The following GIGYF2 variants were observed in gnomAD, a reference collection of about 807,000 sequenced individuals.
The protein encoded by GIGYF2 is GRB10 interacting GYF protein 2.
In GIGYF2, 25 loss-of-function variants were observed where a neutral mutation model predicts 208.1. That is an observed-to-expected ratio of 0.12 (90% CI 0.09 to 0.17). The LOEUF (loss-of-function observed/expected upper bound fraction) is 0.17. GIGYF2 is among the 10% of genes least tolerant of loss of function. The pLI is 1.00. For missense variants in GIGYF2, 1,302 were observed against 1,579.4 expected, an observed-to-expected ratio of 0.82 and a Z score of 2.98; for synonymous variants, 534 against 543.8, an observed-to-expected ratio of 0.98 and a Z score of 0.25.
At chr2:232,816,356 TC>T (rs774670067) in intron 19 of GIGYF2, among the ~76,000 whole-genome samples, 4 of 152,212 alleles carry the variant, frequency 2.6e-5, no homozygotes, top group Non-Finnish European at 5.9e-5. Flanking sequence ...TCCCCTGAGG[TC>T]GTGACAGTCT....
At chr2:232,836,868 A>G (rs1701654742) in intron 22 of GIGYF2, among the ~76,000 whole-genome samples, 1 of 152,182 alleles carries the variant, frequency 6.6e-6, no homozygotes, top group South Asian at 2.1e-4. Context: ...AAATAAAGTC[A>G]GTTCCTTTGG....
intron 6 of GIGYF2, among the ~76,000 whole-genome samples, chr2:232,758,051 C>T (rs1185737149): frequency 6.6e-6 from 1 of 152,172 alleles, no homozygotes; most frequent in African/African-American, 2.4e-5. Flanking sequence ...GTACTTTTAA[C>T]ATTATCTCAA....
chr2:232,854,505 T>C (rs1690477903), intron 28 of GIGYF2, among the ~76,000 whole-genome samples: 2 of 151,958 alleles, frequency 1.3e-5, no homozygotes, highest in East Asian at 1.9e-4. Flanking sequence ...AAAATACATA[T>C]ATATGTATAT....
chr2:232,731,231 C>G (rs1013600112), intron 2 of GIGYF2: 2 of 152,152 alleles, frequency 1.3e-5, no homozygotes, highest in African/African-American at 4.8e-5. Context: ...CTTCCAGAAC[C>G]TATGTGAGCA....
intron 9 of GIGYF2, among the ~76,000 whole-genome samples, chr2:232,789,927 G>A (rs984829714): frequency 3.3e-5 from 5 of 151,954 alleles, no homozygotes; most frequent in African/African-American, 1.2e-4. Flanking sequence ...ATGTCCGTAG[G>A]GGTATTATAT....
chr2:232,828,980 G>A (rs1701336402), intron 21 of GIGYF2, among the ~76,000 whole-genome samples: 1 of 152,022 alleles, frequency 6.6e-6, no homozygotes, highest in Admixed American at 6.6e-5. Context: ...AGGTCAGGGT[G>A]GTTGGTAACA....
intron 20 of GIGYF2, 25 bp from the exon 21 acceptor site, chr2:232,819,802 C>T (rs752515958): frequency 2.9e-6 from 1 of 340,376 alleles, no homozygotes; most frequent in Non-Finnish European, 5.8e-6. Context: ...TCCCCCACCC[C>T]CCACCCTCCA....
chr2:232,823,545 G>A (rs1401224445), intron 21 of GIGYF2, among the ~76,000 whole-genome samples: 1 of 151,728 alleles, frequency 6.6e-6, no homozygotes, highest in Non-Finnish European at 1.5e-5. Flanking sequence ...TAGAGATATG[G>A]GGTCTTGCTG....
Position 232,836,263 on chromosome 2 carries a change from CATATATATATATATATATATATATATAT to C in GIGYF2, c.2766+3210_2766+3237del, listed in dbSNP as rs1156576756. On this transcript the variant is annotated intron_variant, in intron 22 of 28. Coordinates refer to ENST00000373563, the MANE Select transcript of GIGYF2 (RefSeq NM_001103146.3). ...GCAACATGGTGAAACCCCATCTCTA[CATATATATATATATATATATATATATAT>C]ATATATATATATATATATATATATA... Among the ~76,000 whole-genome samples the C allele has an allele frequency of 2.3e-4, 9 of 38,626 alleles. 1 individual carries two copies. In the South Asian group the frequency reaches 4.6e-3, roughly 20 times the overall value. The allele number at this position is 38,626 out of a possible 152,430, so 25.3% of individuals were successfully genotyped here. A position where few individuals can be genotyped will look rare whatever the true frequency, so the allele number is the denominator to read the frequency against.
At chr2:232,773,809 G>A (rs749823671) in intron 8 of GIGYF2, among the ~76,000 whole-genome samples, 2 of 150,982 alleles carry the variant, frequency 1.3e-5, no homozygotes, top group Non-Finnish European at 2.9e-5. Flanking sequence ...TATTAAAAAC[G>A]TGTCTGGCTC....
In GIGYF2 at chr2:232,817,029, A is replaced by G; in HGVS notation, c.2367A>G (p.Lys789=). 1 of 1,610,200 alleles carries G rather than the reference A, an allele frequency of 6.2e-7. No individual in the cohort carries two copies. Among genetic ancestry groups the G allele is most frequent in the Admixed American group, 1.7e-5 (1 of 60,014 alleles). ...AGGAAGAAGAACTTGCCCGAAGGAA[A>G]CAGGTATGTATCTGGGAACTCTGAC... ...RREEEELARR[K]QEEALRRQRE... Residue 789 remains lysine, a synonymous_variant, in exon 20 of 29, where the codon AAA becomes AAG. Coordinates refer to ENST00000373563, the MANE Select transcript of GIGYF2 (RefSeq NM_001103146.3).
chr2:232,708,409 A>G (rs1559373181), intron 2 of GIGYF2, among the ~76,000 whole-genome samples: 1 of 152,180 alleles, frequency 6.6e-6, no homozygotes. Context: ...AGAAAGGGAA[A>G]GAAAAGTGAC....
chr2:232,806,620 T>C lies in GIGYF2; in HGVS notation c.1769T>C (p.Val590Ala). 6.2e-7 allele frequency: 1 copy of C among 1,613,128 alleles called. No individual in the cohort carries two copies. The highest frequency in any genetic ancestry group is 8.5e-7 in the Non-Finnish European group (1 of 1,179,246). ...GATATCATGAAAATGTGGGGAAGGGTTCCCTTTTCTCCAGGTCCAGCTCCC... is the reference window on the plus strand; with the variant it reads ...GATATCATGAAAATGTGGGGAAGGGCTCCCTTTTCTCCAGGTCCAGCTCCC... ...LGDIMKMWGR[V>A]PFSPGPAPPP... is the part of the protein sequence containing the mutation. Residue 590 changes from valine to alanine, a missense_variant, in exon 15 of 29, where the codon GTT (valine) becomes GCT (alanine). Physicochemically the swap from Val to Ala is moderately conservative, Grantham distance 64. Around this residue, in one of 8 missense-constraint regions of GIGYF2, gnomAD observed 69 missense variants for 132.8 expected, o/e 0.52. Transcript: ENST00000373563. This position sits in a 1 kb window ranked among gnomAD's most constrained non-coding sequence, Gnocchi z 4.0.
intron 26 of GIGYF2, 110 bp from the exon 27 acceptor site, chr2:232,847,238 C>A: frequency 9.5e-7 from 1 of 1,050,956 alleles, no homozygotes; most frequent in Non-Finnish European, 1.5e-6. Flanking sequence ...AAGTGTCTGT[C>A]ATTAATGTTT....
intron 8 of GIGYF2, among the ~76,000 whole-genome samples, chr2:232,773,694 G>A (rs1288294582): frequency 6.6e-6 from 1 of 151,888 alleles, no homozygotes; most frequent in African/African-American, 2.4e-5. Flanking sequence ...TATATATATT[G>A]TTTAGCATGT....
Position 232,791,362 on chromosome 2 carries a change from C to G in GIGYF2, c.1198C>G (p.Pro400Ala), listed in dbSNP as rs1340221467. 2.5e-6 allele frequency: 4 copies of G among 1,613,994 alleles called. No individual in the cohort carries two copies. In the South Asian group the frequency reaches 3.3e-5, roughly 13 times the overall value. Reference sequence around the variant, plus strand: ...ATCACAGTTTGAGAGGAAAGATGAACCAAAAACTGAGCAAACGGAAAAAGC... The same window carrying G: ...ATCACAGTTTGAGAGGAAAGATGAAGCAAAAACTGAGCAAACGGAAAAAGC... ...EASQFERKDE[P>A]KTEQTEKAEE... Residue 400 changes from proline (P) to alanine (A), a missense_variant, in exon 12 of 29, where the codon CCA (proline) becomes GCA (alanine). By Grantham distance (27) the Pro-to-Ala change is conservative. Transcript: ENST00000373563.
At chr2:232,771,375 T>G (rs769285344) in intron 8 of GIGYF2, 1 of 1,585,564 alleles carries the variant, frequency 6.3e-7, no homozygotes, top group South Asian at 1.1e-5. Flanking sequence ...CAGGCTGTAT[T>G]TCTCTAAAAT....
rs1168895516 is a variant in GIGYF2, at chr2:232,833,060, G to A, written c.2733G>A (p.Gln911=). ...AAGAGGCTCTCCGGAGGTTGCAGCA[G>A]CAGCAGCAGCAACAACAGCTGGCGC... is the stretch of plus-strand genomic sequence containing the variant. ...QQQEALRRLQ[Q]QQQQQQLAQM... is the part of the protein sequence containing the mutation. The change falls in exon 22 of 29, where the codon CAG becomes CAA. Residue 911 remains glutamine (Q), a synonymous_variant. Coordinates refer to ENST00000373563, the MANE Select transcript of GIGYF2 (RefSeq NM_001103146.3). 1 of 1,553,492 alleles carries A rather than the reference G, an allele frequency of 6.4e-7. No homozygotes were observed. The highest frequency in any genetic ancestry group is 1.2e-5 in the South Asian group (1 of 84,150).
chr2:232,836,399 A>AATATATATATAAATATATATATATATAT (rs71056301), intron 22 of GIGYF2, among the ~76,000 whole-genome samples: 1 of 47,798 alleles, frequency 2.1e-5, no homozygotes, highest in African/African-American at 1.1e-4. Context: ...TATAAATATA[A>AATATATATATAAATATATATATATATAT]ATATATATAT....
Sources: allele counts gnomAD v4.1 joint callset (sites outside exome capture counted in the v4.1 genomes callset), GRCh38; gene constraint gnomAD v4.1.1; regional missense constraint gnomAD v4.1.1; non-coding constraint Gnocchi (gnomAD v3.1); transcripts MANE v1.5; gene names NCBI Gene and HGNC (gene_info 2026-07-23, HGNC 2026-07-21).